Variants in RNF212B observed in about 807,000 individuals in gnomAD.
RNF212B encodes the protein E3 ubiquitin-protein ligase RNF212B.
RNF212B carries 52 observed loss-of-function variants against 55.5 expected under a neutral mutation model. The ratio of observed to expected loss-of-function variants is 0.94; its 90% CI spans 0.75 to 1.18. RNF212B has a LOEUF of 1.18. RNF212B is among the 50% of genes most tolerant of loss of function. The pLI, the probability that RNF212B is intolerant of heterozygous loss-of-function variation, is 0.00. For missense variants in RNF212B, 289 were observed against 350.4 expected, an observed-to-expected ratio of 0.82 and a Z score of 1.40; for synonymous variants, 99 against 121.4, an observed-to-expected ratio of 0.82 and a Z score of 1.21.
intron 11 of RNF212B, among the ~76,000 whole-genome samples, chr14:23,267,448 T>G (rs1007490049): frequency 9.9e-5 from 15 of 152,032 alleles, no homozygotes; most frequent in Admixed American, 3.9e-4. Context: ...TTTTTTTTTT[T>G]GGGACAGAGT....
chr14:23,262,737 T>G, intron 8 of RNF212B, 26 bp downstream of exon 8: 1 of 1,545,848 alleles, frequency 6.5e-7, no homozygotes, highest in Non-Finnish European at 8.8e-7. Flanking sequence ...CCCCTAAATA[T>G]CTGTGTGAGA....
At position 23,253,751 on chromosome 14, in the gene RNF212B, A is replaced by T. The variant is rs189219639; in HGVS notation, c.229-4798A>T. ...ATGTCCTTTTATCAAGCAAATGATTATCCAGATATATAGTTCAAAAATACT... is the reference window on the plus strand; with the variant it reads ...ATGTCCTTTTATCAAGCAAATGATTTTCCAGATATATAGTTCAAAAATACT... On this transcript the variant is annotated intron_variant, in intron 4 of 14. Transcript: ENST00000430154. 3.6e-3 allele frequency among the ~76,000 whole-genome samples: 542 copies of T among 152,290 alleles called. 1 individual carries two copies. Among genetic ancestry groups the T allele is most frequent in the Non-Finnish European group, 5.5e-3 (374 of 68,028 alleles).
chr14:23,199,239 C>A (rs550390565), intron 2 of RNF212B, among the ~76,000 whole-genome samples: 46 of 152,282 alleles, frequency 3.0e-4, no homozygotes, highest in African/African-American at 1.1e-3. Flanking sequence ...CATGAGACAT[C>A]AATCAATATA....
chr14:23,205,880 GT>G (rs1201599509), intron 2 of RNF212B, among the ~76,000 whole-genome samples: 1 of 152,168 alleles, frequency 6.6e-6, no homozygotes, highest in African/African-American at 2.4e-5. Flanking sequence ...TGGGTTTATA[GT>G]TTTGTAACTT....
At chr14:23,237,214 C>T (rs529806815), upstream of RNF212B, among the ~76,000 whole-genome samples, 1 of 151,974 alleles carries the variant, frequency 6.6e-6, no homozygotes, top group South Asian at 2.1e-4. Flanking sequence ...ACTGCAACCT[C>T]CGCCTTCCGG....
chr14:23,236,075 TGCAAAA>T (rs1485548337), upstream of RNF212B, among the ~76,000 whole-genome samples: 1 of 152,218 alleles, frequency 6.6e-6, no homozygotes, highest in Non-Finnish European at 1.5e-5. Context: ...AACAGCGTAC[TGCAAAA>T]GTTAATGCAG....
chr14:23,257,655 T>C (rs1214374490), intron 4 of RNF212B, among the ~76,000 whole-genome samples: 1 of 152,158 alleles, frequency 6.6e-6, no homozygotes, highest in African/African-American at 2.4e-5. Context: ...CTAAAACACT[T>C]TCTAAATATT....
chr14:23,257,386 TA>T (rs200965876), intron 4 of RNF212B, among the ~76,000 whole-genome samples: 2 of 147,534 alleles, frequency 1.4e-5, no homozygotes, highest in Non-Finnish European at 1.5e-5. Flanking sequence ...AATGAGGGTT[TA>T]AAAAAATAGA....
intron 2 of RNF212B, among the ~76,000 whole-genome samples, chr14:23,219,553 C>G (rs1238825451): frequency 6.6e-6 from 1 of 151,450 alleles, no homozygotes; most frequent in African/African-American, 2.4e-5. Context: ...CTCACTGCAA[C>G]CTCTGCCACC....
At chr14:23,224,706 G>C (rs530917110) in intron 2 of RNF212B, among the ~76,000 whole-genome samples, 5 of 152,266 alleles carry the variant, frequency 3.3e-5, no homozygotes, top group African/African-American at 1.2e-4. Context: ...AAAATTTCTT[G>C]TGTAATACCC....
At chr14:23,258,191 A>G (rs1884990475) in intron 4 of RNF212B, among the ~76,000 whole-genome samples, 2 of 152,120 alleles carry the variant, frequency 1.3e-5, no homozygotes, top group Non-Finnish European at 2.9e-5. Context: ...ATACAAAATT[A>G]GCTGGGCGTG....
At position 23,269,762 on chromosome 14, in the gene RNF212B, CCT is replaced by C. The variant is rs371145434; in HGVS notation, c.675-96_675-95del. 1.1e-3 allele frequency: 684 copies of C among 636,528 alleles called. 5 individuals carry two copies. In the African/African-American group the frequency reaches 0.011, roughly 10 times the overall value. 39.4% of individuals were successfully genotyped at this position (636,528 alleles called of 1,614,324 possible). A position where few individuals can be genotyped will look rare whatever the true frequency, so the allele number is the denominator to read the frequency against. ...ATCAGTTGCAAGCAGGGAATTTTTT[CCT>C]CTCTGGCCTAGCTGTATAGGCTCTT... On this transcript the variant is annotated intron_variant, in intron 12 of 14. Coordinates refer to ENST00000430154, the MANE Select transcript of RNF212B (RefSeq NM_001282322.3).
At chr14:23,237,806 C>G (rs2140430094), upstream of RNF212B, among the ~76,000 whole-genome samples, 1 of 152,316 alleles carries the variant, frequency 6.6e-6, no homozygotes, top group East Asian at 1.9e-4. Context: ...CACCGCGAGC[C>G]GCTCCTAGCC....
intron 2 of RNF212B, among the ~76,000 whole-genome samples, chr14:23,207,077 T>C (rs1054612800): frequency 3.3e-5 from 5 of 152,196 alleles, no homozygotes; most frequent in South Asian, 2.1e-4. Flanking sequence ...ATTTTTTTTC[T>C]TTAAATCTTA....
intron 10 of RNF212B, 97 bp downstream of exon 10, chr14:23,264,331 T>C: frequency 1.9e-6 from 2 of 1,056,634 alleles, no homozygotes; most frequent in Non-Finnish European, 2.8e-6. Flanking sequence ...GGTTTTGGCA[T>C]AAATTATCTG....
At chr14:23,272,425 AC>A in intron 14 of RNF212B, 1 of 255,208 alleles carries the variant, frequency 3.9e-6, no homozygotes. Flanking sequence ...TCTCAAAAAA[AC>A]AACAAACAAA....
chr14:23,213,157 CA>C (rs1411261780), intron 2 of RNF212B, among the ~76,000 whole-genome samples: 2 of 151,552 alleles, frequency 1.3e-5, no homozygotes, highest in Non-Finnish European at 2.9e-5. Flanking sequence ...CTAAAAAATA[CA>C]AAAAATTAGC....
chr14:23,247,552 C>T (rs184367051), intron 4 of RNF212B, among the ~76,000 whole-genome samples: 2 of 152,152 alleles, frequency 1.3e-5, no homozygotes, highest in Admixed American at 1.3e-4. Context: ...GTATAATGCT[C>T]TCAAGTTTCA....
chr14:23,242,337 C>CCAGT (rs1883663067), intron 2 of RNF212B, among the ~76,000 whole-genome samples: 1 of 152,074 alleles, frequency 6.6e-6, no homozygotes, highest in Admixed American at 6.6e-5. Context: ...TAATCAATGA[C>CCAGT]CAGTCCCACT....
Sources: gnomAD v4.1 joint callset for allele counts (sites outside exome capture counted in the v4.1 genomes callset) on GRCh38, gnomAD v4.1.1 for gene constraint, MANE v1.5 for transcripts, NCBI Gene and HGNC (gene_info 2026-07-23, HGNC 2026-07-21) for gene names.